The following MDGA2 variants were observed in gnomAD, a reference collection of about 807,000 sequenced individuals.
MDGA2 encodes the protein MAM domain containing glycosylphosphatidylinositol anchor 2.
Under a neutral mutation model 117.8 loss-of-function variants are expected in MDGA2, and 40 were observed. The observed-to-expected ratio is 0.34, with a 90% CI of 0.26 to 0.44. The LOEUF is 0.44. MDGA2 is among the 20% of genes least tolerant of loss of function. MDGA2 has a pLI of 1.00. For synonymous variants in MDGA2, 452 were observed against 439.0 expected, an observed-to-expected ratio of 1.03 and a Z score of -0.37; for missense variants, 1,123 against 1,250.6, an observed-to-expected ratio of 0.90 and a Z score of 1.54.
chr14:47,376,431 T>C (rs766078005), intron 1 of MDGA2, among the ~76,000 whole-genome samples: 1 of 152,176 alleles, frequency 6.6e-6, no homozygotes, highest in Non-Finnish European at 1.5e-5. Flanking sequence ...TATTGGTCAA[T>C]CTCAGATCTA....
At chr14:46,898,069 G>GA (rs1193535239) in intron 10 of MDGA2, among the ~76,000 whole-genome samples, 1 of 151,650 alleles carries the variant, frequency 6.6e-6, no homozygotes, top group East Asian at 1.9e-4. Context: ...GTAAAAATAT[G>GA]AAAAATAAAA....
intron 3 of MDGA2, among the ~76,000 whole-genome samples, chr14:47,188,255 C>A (rs1049211572): frequency 2.0e-5 from 3 of 152,110 alleles, no homozygotes; most frequent in Non-Finnish European, 2.9e-5. Flanking sequence ...CAGAATACAG[C>A]AGAAGTGATA....
chr14:47,437,504 T>C, intron 1 of MDGA2, among the ~76,000 whole-genome samples: 1 of 152,278 alleles, frequency 6.6e-6, no homozygotes, highest in South Asian at 2.1e-4. Context: ...ACAATGTATG[T>C]CCCTCCATTT....
At chr14:47,036,253 G>A (rs1362512664) in intron 7 of MDGA2, among the ~76,000 whole-genome samples, 1 of 116,464 alleles carries the variant, frequency 8.6e-6, no homozygotes, top group Non-Finnish European at 1.6e-5. Flanking sequence ...CTGGGCGACA[G>A]AGCCAGACTC....
intron 6 of MDGA2, among the ~76,000 whole-genome samples, chr14:47,074,583 A>G (rs1890422214): frequency 6.6e-6 from 1 of 152,206 alleles, no homozygotes; most frequent in South Asian, 2.1e-4. Context: ...TACAGGCGTG[A>G]GCCACCGCGC....
intron 1 of MDGA2, among the ~76,000 whole-genome samples, chr14:47,672,684 A>T (rs1278443694): frequency 1.3e-5 from 2 of 152,204 alleles, no homozygotes; most frequent in Non-Finnish European, 1.5e-5. Context: ...AGCTAAGATG[A>T]TCTGAATCAA....
At chr14:46,913,908 A>G (rs1447801322) in intron 10 of MDGA2, among the ~76,000 whole-genome samples, 1 of 152,164 alleles carries the variant, frequency 6.6e-6, no homozygotes, top group Non-Finnish European at 1.5e-5. Context: ...ACTGAATGGG[A>G]GAGCAAATAA....
intron 1 of MDGA2, among the ~76,000 whole-genome samples, chr14:47,373,916 T>A (rs1474801450): frequency 6.6e-6 from 1 of 152,152 alleles, no homozygotes; most frequent in African/African-American, 2.4e-5. Flanking sequence ...AATATTATAC[T>A]CATTAACTAA....
At position 47,061,213 on chromosome 14, in the gene MDGA2, T is replaced by C. The variant is rs576293566; in HGVS notation, c.1525+36A>G. ...TGTTAAACTTCAATCATTCTAAATGTGAACATCTTTTACATCATAAATATA... is the reference window on the plus strand; with the variant it reads ...TGTTAAACTTCAATCATTCTAAATGCGAACATCTTTTACATCATAAATATA... On this transcript the variant is annotated intron_variant, in intron 7 of 16. Coordinates refer to ENST00000399232, the MANE Select transcript of MDGA2 (RefSeq NM_001113498.3). 99 of 1,542,744 alleles carry C rather than the reference T, an allele frequency of 6.4e-5. No individual in the cohort carries two copies. The South Asian group carries it at 1.0e-3, about 16-fold the overall frequency.
intron 1 of MDGA2, among the ~76,000 whole-genome samples, chr14:47,656,760 T>C (rs774830058): frequency 2.6e-5 from 4 of 152,146 alleles, no homozygotes; most frequent in Non-Finnish European, 5.9e-5. Flanking sequence ...TTGTATTCTT[T>C]TAAAAAGGCC....
At chr14:47,219,795 A>G (rs552591816) in intron 2 of MDGA2, among the ~76,000 whole-genome samples, 1 of 152,250 alleles carries the variant, frequency 6.6e-6, no homozygotes, top group South Asian at 2.1e-4. Flanking sequence ...AAACAAGAGA[A>G]TAGTCTCGTC....
intron 8 of MDGA2, among the ~76,000 whole-genome samples, chr14:47,021,966 T>C (rs1289566040): frequency 6.6e-6 from 1 of 152,238 alleles, no homozygotes; most frequent in Non-Finnish European, 1.5e-5. Flanking sequence ...ATTATTATTT[T>C]ACTGTCACCT....
intron 8 of MDGA2, among the ~76,000 whole-genome samples, chr14:46,972,477 C>G (rs1290119573): frequency 6.6e-6 from 1 of 152,088 alleles, no homozygotes; most frequent in Non-Finnish European, 1.5e-5. Context: ...TATAATTGTG[C>G]TAGCACATTT....
intron 1 of MDGA2, among the ~76,000 whole-genome samples, chr14:47,567,330 C>T (rs1594921710): frequency 6.6e-6 from 1 of 152,144 alleles, no homozygotes; most frequent in East Asian, 1.9e-4. Flanking sequence ...AGATGGTAAG[C>T]TTTACTTATG....
intron 9 of MDGA2, among the ~76,000 whole-genome samples, chr14:46,957,034 A>G (rs1238081847): frequency 6.6e-6 from 1 of 152,148 alleles, no homozygotes; most frequent in African/African-American, 2.4e-5. Flanking sequence ...TTTAGCTTGT[A>G]GAACTGAGTC....
At chr14:47,171,433 C>G (rs953045405) in intron 3 of MDGA2, among the ~76,000 whole-genome samples, 29 of 152,104 alleles carry the variant, frequency 1.9e-4, no homozygotes, top group Admixed American at 1.9e-3. Flanking sequence ...TTTGGATTAA[C>G]TGGAAGAAAA....
rs1566516029 is a variant in MDGA2, at chr14:47,561,169, TTG to T, written c.280+113346_280+113347del. ...TTTTTTTTTGTTTTGTTTTGTTTTT[TTG>T]TTTGTTTGTTTTTTTTTGCTTAGGA... On this transcript the variant is annotated intron_variant, in intron 1 of 16. Coordinates refer to ENST00000399232, the MANE Select transcript of MDGA2 (RefSeq NM_001113498.3). Among the ~76,000 whole-genome samples, 26 of 103,950 alleles carry T rather than the reference TTG, an allele frequency of 2.5e-4. 1 individual carries two copies. Among genetic ancestry groups the T allele is most frequent in the African/African-American group, 5.6e-4 (15 of 26,882 alleles). 68.2% of individuals were successfully genotyped at this position (103,950 alleles called of 152,430 possible). A position where few individuals can be genotyped will look rare whatever the true frequency, so the allele number is the denominator to read the frequency against.
chr14:47,494,551 G>T (rs1432602874), intron 1 of MDGA2, among the ~76,000 whole-genome samples: 1 of 152,044 alleles, frequency 6.6e-6, no homozygotes, highest in Non-Finnish European at 1.5e-5. Context: ...AGTCCCATTT[G>T]TTTTTGTTGC....
chr14:47,194,368 T>C (rs1380671199), intron 3 of MDGA2, among the ~76,000 whole-genome samples: 1 of 152,154 alleles, frequency 6.6e-6, no homozygotes, highest in African/African-American at 2.4e-5. Flanking sequence ...ATATATAGCA[T>C]AGACAAATTT....
Sources: gnomAD v4.1 joint callset for allele counts (sites outside exome capture counted in the v4.1 genomes callset) on GRCh38, gnomAD v4.1.1 for gene constraint, MANE v1.5 for transcripts, NCBI Gene and HGNC (gene_info 2026-07-23, HGNC 2026-07-21) for gene names.